KDM2B: variants seen among roughly 807,000 people sequenced by gnomAD.
The protein encoded by KDM2B is lysine demethylase 2B.
In KDM2B, 26 loss-of-function variants were observed where a neutral mutation model predicts 150.0. That is an observed-to-expected ratio of 0.17 (90% CI 0.13 to 0.24). The LOEUF (loss-of-function observed/expected upper bound fraction) is 0.24. Among genes scored for constraint, KDM2B ranks in the 10% least tolerant of loss-of-function variants. KDM2B has a pLI of 1.00. For missense variants in KDM2B, 1,265 were observed against 1,816.9 expected, an observed-to-expected ratio of 0.70 and a Z score of 5.52; for synonymous variants, 734 against 729.5, an observed-to-expected ratio of 1.01 and a Z score of -0.10.
At chr12:121,532,408 G>T (rs1887735498) in intron 8 of KDM2B, among the ~76,000 whole-genome samples, 1 of 152,176 alleles carries the variant, frequency 6.6e-6, no homozygotes, top group African/African-American at 2.4e-5. Context: ...GGGAATAGAG[G>T]CACGAAGAAG....
At chr12:121,576,280 T>C (rs544366056) in intron 2 of KDM2B, among the ~76,000 whole-genome samples, 1 of 152,254 alleles carries the variant, frequency 6.6e-6, no homozygotes, top group East Asian at 1.9e-4. Flanking sequence ...GAATGCCACC[T>C]GGGAGGATCT....
At chr12:121,558,676 A>G (rs1890093805) in intron 4 of KDM2B, among the ~76,000 whole-genome samples, 1 of 152,008 alleles carries the variant, frequency 6.6e-6, no homozygotes, top group African/African-American at 2.4e-5. Context: ...GATGGTCTCA[A>G]ACTCCTGACG....
chr12:121,518,042 A>G lies in KDM2B; in HGVS notation c.1047+2943T>C, dbSNP rs1449668016. Among the ~76,000 whole-genome samples, 8 of 150,842 alleles carry G rather than the reference A, an allele frequency of 5.3e-5. No homozygotes were observed. Among genetic ancestry groups the G allele is most frequent in the Admixed American group, 3.3e-4 (5 of 15,112 alleles). ...TGAGTAGCTGGGATTACAGGCACAC[A>G]CCACCATGCTCGGCTAATTTTTGTA... On this transcript the variant is annotated intron_variant, in intron 9 of 22. Coordinates refer to ENST00000377071, the MANE Select transcript of KDM2B (RefSeq NM_032590.5). This position sits in a 1 kb window ranked among gnomAD's most constrained non-coding sequence, Gnocchi z 4.4.
chr12:121,431,153 CAG>C (rs1363800711), intron 22 of KDM2B, among the ~76,000 whole-genome samples: 3 of 151,212 alleles, frequency 2.0e-5, no homozygotes, highest in African/African-American at 4.9e-5. Flanking sequence ...TTTTTTGAGA[CAG>C]AGTCTCGCTT....
At chr12:121,426,624 T>A (rs1416986881), downstream of KDM2B, among the ~76,000 whole-genome samples, 13 of 121,906 alleles carry the variant, frequency 1.1e-4, no homozygotes, top group African/African-American at 3.2e-4. Context: ...TAAACAATTT[T>A]TTTTTTTTTT....
In KDM2B at chr12:121,453,051, C is replaced by T. The variant is rs1388905892; in HGVS notation, c.1959+69G>A. On this transcript the variant is annotated intron_variant, in intron 13 of 22. Coordinates refer to ENST00000377071, the MANE Select transcript of KDM2B (RefSeq NM_032590.5). The surrounding 1 kb of genome is among the most constrained non-coding windows in gnomAD (Gnocchi z 6.4). ...GCGGAGGGGCGGCCAGAGCGAGCAG[C>T]GGTCAGACACGCGGGCCGGCACGCA... 25 of 1,330,954 alleles carry T rather than the reference C, an allele frequency of 1.9e-5. No homozygotes were observed. Among genetic ancestry groups the T allele is most frequent in the Non-Finnish European group, 2.4e-5 (24 of 983,476 alleles). 82.4% of individuals were successfully genotyped at this position (1,330,954 alleles called of 1,614,324 possible).
chr12:121,453,800 G>A lies in KDM2B; in HGVS notation c.1735-456C>T, dbSNP rs1877750509. On this transcript the variant is annotated intron_variant, in intron 12 of 22. Coordinates refer to ENST00000377071, the MANE Select transcript of KDM2B (RefSeq NM_032590.5). This position sits in a 1 kb window ranked among gnomAD's most constrained non-coding sequence, Gnocchi z 6.4. ...TCAGACTCCTGGCCTCCAGAACCGG[G>A]AGAGAAGAAAGGCCGGTTGTTTTAA... Among the ~76,000 whole-genome samples, 1 of 152,132 alleles carries A rather than the reference G, an allele frequency of 6.6e-6. No individual in the cohort carries two copies. Among genetic ancestry groups the A allele is most frequent in the Admixed American group, 6.5e-5 (1 of 15,286 alleles).
chr12:121,561,271 G>A (rs143858292), intron 4 of KDM2B, among the ~76,000 whole-genome samples: 36 of 152,146 alleles, frequency 2.4e-4, no homozygotes, highest in African/African-American at 6.3e-4. Context: ...CCCAGAGCCC[G>A]GCTCTTCCGA....
rs141475621 is a variant in KDM2B, at chr12:121,521,281, C to T, written c.932-181G>A. ...TGCACAACGCCCAGGCCTGAGCCGC[C>T]GAGAGGACTCAGACTTGCAGCCTCG... On this transcript the variant is annotated intron_variant, in intron 8 of 22. Coordinates refer to ENST00000377071, the MANE Select transcript of KDM2B (RefSeq NM_032590.5). This position sits in a 1 kb window ranked among gnomAD's most constrained non-coding sequence, Gnocchi z 4.9. Among the ~76,000 whole-genome samples, 2 of 152,170 alleles carry T rather than the reference C, an allele frequency of 1.3e-5. No individual in the cohort carries two copies. The highest frequency in any genetic ancestry group is 2.1e-4 in the South Asian group (1 of 4,830).
chr12:121,553,001 G>A (rs573761062), intron 4 of KDM2B, among the ~76,000 whole-genome samples: 9 of 152,318 alleles, frequency 5.9e-5, no homozygotes, highest in African/African-American at 2.2e-4. Flanking sequence ...GGGAGGCTGA[G>A]GCGGGCAGAT....
intron 4 of KDM2B, among the ~76,000 whole-genome samples, chr12:121,558,728 T>C (rs1350170138): frequency 1.3e-5 from 2 of 152,112 alleles, no homozygotes; most frequent in Non-Finnish European, 2.9e-5. Flanking sequence ...GTGCTGGGAT[T>C]ACAGGCGTGA....
Position 121,467,270 on chromosome 12 carries a change from C to T in KDM2B, c.1735-13926G>A. 1 of 987,382 alleles carries T rather than the reference C, an allele frequency of 1.0e-6. No homozygotes were observed. Among genetic ancestry groups the T allele is most frequent in the Non-Finnish European group, 1.2e-6 (1 of 831,608 alleles). 61.2% of individuals were successfully genotyped at this position (987,382 alleles called of 1,614,324 possible). On this transcript the variant is annotated intron_variant, in intron 12 of 22. Coordinates refer to ENST00000377071, the MANE Select transcript of KDM2B (RefSeq NM_032590.5). The surrounding 1 kb of genome is among the most constrained non-coding windows in gnomAD (Gnocchi z 5.1). ...CATGGCTGGAGCGGCGCCGCCGCCG[C>T]CGCCCGCCCGGAGCAGGCTCGGCTC...
intron 4 of KDM2B, among the ~76,000 whole-genome samples, chr12:121,569,705 T>C (rs556375873): frequency 1.3e-5 from 2 of 152,272 alleles, no homozygotes; most frequent in South Asian, 2.1e-4. Context: ...GTCAGCGGCC[T>C]CCCTCAGAGT....
chr12:121,572,749 G>A (rs1891194206), intron 4 of KDM2B, among the ~76,000 whole-genome samples: 1 of 151,790 alleles, frequency 6.6e-6, no homozygotes, highest in Non-Finnish European at 1.5e-5. Context: ...TGAACTCCTG[G>A]GCTCAAGTGA....
chr12:121,463,728 T>C (rs1555294195), intron 12 of KDM2B, among the ~76,000 whole-genome samples: 2 of 152,166 alleles, frequency 1.3e-5, no homozygotes, highest in African/African-American at 2.4e-5. Flanking sequence ...TACAGGTGCA[T>C]GACACCATAC....
intron 13 of KDM2B, among the ~76,000 whole-genome samples, chr12:121,445,977 A>G (rs1876102227): frequency 1.3e-5 from 2 of 152,206 alleles, no homozygotes; most frequent in Admixed American, 6.5e-5. Context: ...AACAGACGTT[A>G]TTTGCCTTTT....
At chr12:121,517,475 T>C (rs1180050970) in intron 9 of KDM2B, among the ~76,000 whole-genome samples, 1 of 149,474 alleles carries the variant, frequency 6.7e-6, no homozygotes. Flanking sequence ...TTCTTTTCTT[T>C]TTTTTTTTTT....
intron 4 of KDM2B, among the ~76,000 whole-genome samples, chr12:121,553,637 C>CACCT (rs1188298499): frequency 6.6e-6 from 1 of 152,146 alleles, no homozygotes; most frequent in Non-Finnish European, 1.5e-5. Context: ...TCACTTGGAG[C>CACCT]ACCTACAGGT....
In KDM2B at chr12:121,429,712, T is replaced by C. The variant is rs978212271; in HGVS notation, c.*576A>G. 4.8e-6 allele frequency: 2 copies of C among 416,864 alleles called. No individual in the cohort carries two copies. Among genetic ancestry groups the C allele is most frequent in the African/African-American group, 4.0e-5 (2 of 50,090 alleles). 25.8% of individuals were successfully genotyped at this position (416,864 alleles called of 1,614,324 possible). On this transcript the variant is annotated 3_prime_UTR_variant, in exon 23 of 23. Coordinates refer to ENST00000377071, the MANE Select transcript of KDM2B (RefSeq NM_032590.5). ...TCGATGAAGTACACGTTAAATTCTC[T>C]CCTACCTTAAGGAAATCAGGAAAAT... is the stretch of plus-strand genomic sequence containing the variant.
Sources: allele counts gnomAD v4.1 joint callset (sites outside exome capture counted in the v4.1 genomes callset), GRCh38; gene constraint gnomAD v4.1.1; non-coding constraint Gnocchi (gnomAD v3.1); transcripts MANE v1.5; gene names NCBI Gene and HGNC (gene_info 2026-07-23, HGNC 2026-07-21).